SGCD: variants seen among roughly 807,000 people sequenced by gnomAD.
SGCD encodes the protein sarcoglycan delta.
A neutral mutation model predicts 36.6 loss-of-function variants in SGCD; 18 were observed. The ratio of observed to expected loss-of-function variants is 0.49; its 90% CI spans 0.34 to 0.73. The LOEUF (loss-of-function observed/expected upper bound fraction) is 0.73. Among genes scored for constraint, SGCD ranks in the 30% least tolerant of loss-of-function variants. SGCD has a pLI of 0.01. For missense variants in SGCD, 387 were observed against 346.7 expected (o/e 1.12, Z -0.92); for synonymous variants, 133 against 130.6 (o/e 1.02, Z -0.12).
intron 7 of SGCD, among the ~76,000 whole-genome samples, chr5:156,692,785 G>T (rs1422862336): frequency 2.6e-5 from 4 of 152,144 alleles, no homozygotes; most frequent in Non-Finnish European, 4.4e-5. Context: ...TTTAGAAAGG[G>T]TCTAAAAATT....
At chr5:156,512,711 C>T (rs751494943) in intron 4 of SGCD, among the ~76,000 whole-genome samples, 26 of 152,140 alleles carry the variant, frequency 1.7e-4, no homozygotes, top group Non-Finnish European at 3.1e-4. Context: ...ATCGAGATAA[C>T]GAATGTATCC....
In SGCD at chr5:156,056,915, A is replaced by C. The variant is rs951255933; in HGVS notation, c.-281-60963A>C. ...GGCAAGCGATGACTGATACCTACTT[A>C]GTGTAATAGGTTGTTCAAAGCAGTT... On this transcript the variant is annotated intron_variant, in intron 1 of 9. Transcript: ENST00000517913. Among the ~76,000 whole-genome samples, 5 of 145,994 alleles carry C rather than the reference A, an allele frequency of 3.4e-5. 1 individual carries two copies. The highest frequency in any genetic ancestry group is 7.7e-5 in the Non-Finnish European group (5 of 64,866).
chr5:156,153,335 T>C (rs1412223605), intron 3 of SGCD, among the ~76,000 whole-genome samples: 1 of 151,590 alleles, frequency 6.6e-6, no homozygotes, highest in African/African-American at 2.4e-5. Context: ...GATGAGGTTT[T>C]TAACGTGGGC....
At chr5:155,745,466 CT>C in the SGCD span, among the ~76,000 whole-genome samples, 1 of 152,106 alleles carries the variant, frequency 6.6e-6, no homozygotes, top group Non-Finnish European at 1.5e-5. Context: ...CTATTTCTCT[CT>C]TTTTTTCCTC....
At chr5:156,216,099 C>G (rs1561569398) in intron 3 of SGCD, among the ~76,000 whole-genome samples, 1 of 152,132 alleles carries the variant, frequency 6.6e-6, no homozygotes, top group Non-Finnish European at 1.5e-5. Context: ...AACATGTGAT[C>G]TCACACCTAG....
rs1012803841 is a variant in SGCD, at chr5:156,763,063, T to C, written c.*3673T>C. 1 of 152,584 alleles carries C rather than the reference T, an allele frequency of 6.6e-6. No homozygotes were observed. Among genetic ancestry groups the C allele is most frequent in the Non-Finnish European group, 1.5e-5 (1 of 68,048 alleles). 9.5% of individuals were successfully genotyped at this position (152,584 alleles called of 1,614,324 possible). ...ATGCCTGGGAACAGGGAGGATGGGATTAGTGGAAGCTTAATGGAAAAGGAA... is the reference window on the plus strand; with the variant it reads ...ATGCCTGGGAACAGGGAGGATGGGACTAGTGGAAGCTTAATGGAAAAGGAA... On this transcript the variant is annotated 3_prime_UTR_variant, in exon 9 of 9. Transcript: ENST00000337851.
At chr5:156,361,541 T>TA in intron 3 of SGCD, among the ~76,000 whole-genome samples, 1 of 152,360 alleles carries the variant, frequency 6.6e-6, no homozygotes, top group East Asian at 1.9e-4. Context: ...TGCTAGTTTT[T>TA]ATCCCTGTCA....
intron 3 of SGCD, among the ~76,000 whole-genome samples, chr5:156,284,658 T>C (rs1330796861): frequency 6.6e-6 from 1 of 152,184 alleles, no homozygotes; most frequent in East Asian, 1.9e-4. Flanking sequence ...AATTAGGTAT[T>C]GATGGGATGT....
At chr5:156,027,913 A>T (rs1759260396) in intron 1 of SGCD, among the ~76,000 whole-genome samples, 1 of 152,184 alleles carries the variant, frequency 6.6e-6, no homozygotes, top group Non-Finnish European at 1.5e-5. Flanking sequence ...GTATACTCAT[A>T]TGGCAGAAGT....
chr5:156,254,559 A>C (rs1435407065), intron 3 of SGCD, among the ~76,000 whole-genome samples: 1 of 152,116 alleles, frequency 6.6e-6, no homozygotes, highest in South Asian at 2.1e-4. Flanking sequence ...TTTAAATCTC[A>C]TATTGTTGGC....
chr5:156,213,949 G>A (rs995371832), intron 3 of SGCD, among the ~76,000 whole-genome samples: 5 of 151,860 alleles, frequency 3.3e-5, no homozygotes, highest in African/African-American at 1.2e-4. Context: ...TAGAAGGAAT[G>A]TACCTCAACA....
chr5:155,864,215 C>T, the SGCD span, among the ~76,000 whole-genome samples: 1 of 152,134 alleles, frequency 6.6e-6, no homozygotes, highest in African/African-American at 2.4e-5. Flanking sequence ...GTGGCCAAAG[C>T]AAAGTGACCA....
the SGCD span, among the ~76,000 whole-genome samples, chr5:155,750,187 A>G: frequency 1.3e-5 from 2 of 152,322 alleles, no homozygotes; most frequent in African/African-American, 4.8e-5. Context: ...TACCTTTAGA[A>G]TCTGGGCACT....
intron 7 of SGCD, 98 bp downstream of exon 7, chr5:156,647,634 C>G: frequency 1.4e-6 from 1 of 733,528 alleles, no homozygotes; most frequent in Non-Finnish European, 2.2e-6. Context: ...AGTGTCACAG[C>G]GTGAATACAT....
At chr5:156,255,116 C>A (rs1007571524) in intron 3 of SGCD, among the ~76,000 whole-genome samples, 20 of 151,954 alleles carry the variant, frequency 1.3e-4, no homozygotes, top group African/African-American at 4.4e-4. Context: ...ATGAATTTTG[C>A]GTTTAGACTT....
intron 3 of SGCD, among the ~76,000 whole-genome samples, chr5:156,456,983 T>A (rs996110822): frequency 6.6e-6 from 1 of 152,250 alleles, no homozygotes; most frequent in Non-Finnish European, 1.5e-5. Context: ...TCAGTGAACA[T>A]GGCTTGATTG....
the SGCD span, among the ~76,000 whole-genome samples, chr5:155,728,925 C>T: frequency 6.6e-6 from 1 of 152,210 alleles, no homozygotes; most frequent in Admixed American, 6.5e-5. Context: ...GACACCAAGG[C>T]GTTTCGCGGA....
At chr5:155,869,967 C>T (rs1257939096), upstream of SGCD, among the ~76,000 whole-genome samples, 2 of 151,904 alleles carry the variant, frequency 1.3e-5, no homozygotes, top group African/African-American at 4.8e-5. Context: ...CACTACTGCA[C>T]TCCTGGGCAA....
intron 1 of SGCD, among the ~76,000 whole-genome samples, chr5:156,073,123 G>C (rs1157398755): frequency 2.0e-5 from 3 of 152,064 alleles, no homozygotes; most frequent in Non-Finnish European, 2.9e-5. Flanking sequence ...AGAGAATATG[G>C]CCATTATGAC....
Sources: allele counts gnomAD v4.1 joint callset (sites outside exome capture counted in the v4.1 genomes callset), GRCh38; gene constraint gnomAD v4.1.1; transcripts MANE v1.5; gene names NCBI Gene and HGNC (gene_info 2026-07-23, HGNC 2026-07-21).